Variants in AJAP1 observed in about 807,000 individuals in gnomAD.
AJAP1 encodes adherens junctions associated protein 1.
AJAP1 carries 5 observed loss-of-function variants against 35.0 expected under a neutral mutation model. The observed-to-expected ratio is 0.14, with a 90% CI of 0.07 to 0.30. AJAP1 has a LOEUF of 0.30. Among genes scored for constraint, AJAP1 ranks in the 10% least tolerant of loss-of-function variants. The pLI is 1.00. For synonymous variants in AJAP1, 284 were observed against 249.3 expected (o/e 1.14, Z -1.31); for missense variants, 586 against 571.0 (o/e 1.03, Z -0.27).
intron 1 of AJAP1, among the ~76,000 whole-genome samples, chr1:4,666,237 G>T (rs1046739144): frequency 6.6e-6 from 1 of 152,128 alleles, no homozygotes; most frequent in Admixed American, 6.5e-5. Context: ...ATAGCCCACT[G>T]AGGCTCCTCT....
rs541500039 is a variant in AJAP1, at chr1:4,720,252, G to A, written c.829+7553G>A. The stretch of plus-strand genomic sequence containing the variant: ...AGACAGGCTTCGGGTCCCCGCTTTC[G>A]ATGTGGTTCAACATGGTTCAGTGAA... On this transcript the variant is annotated intron_variant, in intron 2 of 5. Transcript: ENST00000378191. This position sits in a 1 kb window ranked among gnomAD's most constrained non-coding sequence, Gnocchi z 4.4. 9.2e-5 allele frequency among the ~76,000 whole-genome samples: 14 copies of A among 152,302 alleles called. 1 individual carries two copies. The highest frequency in any genetic ancestry group is 3.4e-3 in the Middle Eastern group (1 of 294).
At chr1:4,703,570 T>A (rs1376187818) in intron 1 of AJAP1, among the ~76,000 whole-genome samples, 1 of 152,206 alleles carries the variant, frequency 6.6e-6, no homozygotes, top group Admixed American at 6.5e-5. Flanking sequence ...CATTTTCACA[T>A]CTGAGCTGAA....
chr1:4,690,007 C>A (rs1570114970), intron 1 of AJAP1, among the ~76,000 whole-genome samples: 1 of 152,190 alleles, frequency 6.6e-6, no homozygotes. Flanking sequence ...GAGACCCCCC[C>A]AGCCCCGCTC....
chr1:4,669,953 A>G (rs188476849), intron 1 of AJAP1, among the ~76,000 whole-genome samples: 75 of 152,322 alleles, frequency 4.9e-4, no homozygotes, highest in African/African-American at 1.7e-3. Flanking sequence ...CTTCTTGGAC[A>G]CGGGCTTTAT....
At chr1:4,666,492 G>C (rs72857936) in intron 1 of AJAP1, among the ~76,000 whole-genome samples, 54,892 of 127,312 alleles carry the variant, frequency 0.43, 13,265 homozygotes, top group African/African-American at 0.53. Flanking sequence ...TGCAGAGAGG[G>C]GGCCCGTGAC....
rs1017051396 is a variant in AJAP1 at position 4,782,494 on chromosome 1, G to A, written c.*60-51G>A. The A allele has an allele frequency of 1.2e-5, 4 of 329,940 alleles. No individual in the cohort carries two copies. The highest frequency in any genetic ancestry group is 4.4e-5 in the East Asian group (1 of 22,650). The allele number at this position is 329,940 out of a possible 1,614,324, so 20.4% of individuals were successfully genotyped here. On this transcript the variant is annotated intron_variant, in intron 5 of 5. Coordinates refer to ENST00000378191, the MANE Select transcript of AJAP1 (RefSeq NM_018836.4). This position sits in a 1 kb window ranked among gnomAD's most constrained non-coding sequence, Gnocchi z 5.3. Reference sequence around the variant, plus strand: ...CGACCGAGAACCCCACAGACTTGTCGCGCCCTCGGCGTGCTGCCATTTAAT... The same window carrying A: ...CGACCGAGAACCCCACAGACTTGTCACGCCCTCGGCGTGCTGCCATTTAAT...
chr1:4,711,455 T>G (rs1570141619), intron 1 of AJAP1, among the ~76,000 whole-genome samples: 1 of 152,140 alleles, frequency 6.6e-6, no homozygotes, highest in Non-Finnish European at 1.5e-5. Context: ...GGGTCCCAGG[T>G]GGAGGCCGGT....
chr1:4,716,032 T>G (rs971585239), intron 2 of AJAP1, among the ~76,000 whole-genome samples: 6 of 152,254 alleles, frequency 3.9e-5, no homozygotes, highest in African/African-American at 1.2e-4. Context: ...TTTATAAATT[T>G]TATTTTTGTT....
intron 5 of AJAP1, among the ~76,000 whole-genome samples, chr1:4,778,571 ATCTCTCTCTCTCTCTCTCTCTCTC>A (rs141390632): frequency 7.0e-6 from 1 of 142,792 alleles, no homozygotes; most frequent in Non-Finnish European, 1.5e-5. Context: ...GATTGGCGCC[ATCTCTCTCTCTCTCTCTCTCTCTC>A]TCTCTCTCTC....
At chr1:4,744,149 G>A (rs1641134110) in intron 2 of AJAP1, among the ~76,000 whole-genome samples, 1 of 152,222 alleles carries the variant, frequency 6.6e-6, no homozygotes, top group Admixed American at 6.5e-5. Flanking sequence ...AGCAAAGCCA[G>A]GCCCGAGCTG....
chr1:4,714,142 A>G (rs562161825), intron 2 of AJAP1, among the ~76,000 whole-genome samples: 3 of 152,262 alleles, frequency 2.0e-5, no homozygotes, highest in African/African-American at 4.8e-5. Flanking sequence ...CTAGAGAGCA[A>G]TGTCTCTATG....
chr1:4,711,845 A>G (rs2100265318), intron 1 of AJAP1, 55 bp from the exon 2 acceptor site: 13 of 1,361,082 alleles, frequency 9.6e-6, no homozygotes, highest in Non-Finnish European at 1.3e-5. Flanking sequence ...CCCGGGGCCC[A>G]GTCCCCCTCC....
chr1:4,788,617 CA>C lies in AJAP1; in HGVS notation c.*6135del, dbSNP rs1490477778. On this transcript the variant is annotated 3_prime_UTR_variant, in exon 6 of 6. Coordinates refer to ENST00000378191, the MANE Select transcript of AJAP1 (RefSeq NM_018836.4). ...CCCACCCTACTCTCTGCCTGAAACACAAAGCAGCTCCCCTCAGAACAGCCAG... is the reference window on the plus strand; with the variant it reads ...CCCACCCTACTCTCTGCCTGAAACACAAGCAGCTCCCCTCAGAACAGCCAG... The C allele has an allele frequency of 6.6e-6, 1 of 152,320 alleles. No homozygotes were observed. The highest frequency in any genetic ancestry group is 1.5e-5 in the Non-Finnish European group (1 of 68,138). The allele number at this position is 152,320 out of a possible 1,614,324, so 9.4% of individuals were successfully genotyped here. A position where few individuals can be genotyped will look rare whatever the true frequency, so the allele number is the denominator to read the frequency against.
At chr1:4,674,515 G>A (rs551695658) in intron 1 of AJAP1, among the ~76,000 whole-genome samples, 1 of 152,342 alleles carries the variant, frequency 6.6e-6, no homozygotes, top group African/African-American at 2.4e-5. Flanking sequence ...AAAGGTCAAC[G>A]ACCCCTGCTT....
intron 1 of AJAP1, among the ~76,000 whole-genome samples, chr1:4,710,905 A>G (rs368464127): frequency 7.2e-5 from 11 of 152,138 alleles, no homozygotes; most frequent in Admixed American, 5.9e-4. Flanking sequence ...AAGCCGCTCC[A>G]TGTGAACTGG....
At chr1:4,674,665 C>T (rs550503333) in intron 1 of AJAP1, among the ~76,000 whole-genome samples, 14 of 152,304 alleles carry the variant, frequency 9.2e-5, no homozygotes, top group Non-Finnish European at 1.5e-4. Context: ...CTGTCAGCTG[C>T]TGGTCTTGGG....
chr1:4,771,349 G>A (rs1641829243), intron 3 of AJAP1, among the ~76,000 whole-genome samples: 1 of 152,178 alleles, frequency 6.6e-6, no homozygotes, highest in African/African-American at 2.4e-5. Context: ...AACCAACGCA[G>A]GAAATAGCCA....
chr1:4,777,999 T>C (rs1641973587), intron 5 of AJAP1, among the ~76,000 whole-genome samples: 1 of 152,242 alleles, frequency 6.6e-6, no homozygotes, highest in Non-Finnish European at 1.5e-5. Context: ...CGGGGACACC[T>C]GGCGGTAGCC....
intron 2 of AJAP1, among the ~76,000 whole-genome samples, chr1:4,743,374 GGGCTCGA>G (rs1641114092): frequency 6.6e-6 from 1 of 152,136 alleles, no homozygotes; most frequent in South Asian, 2.1e-4. Context: ...GGCAGAAAAG[GGGCTCGA>G]GACAGTGCAC....
Sources: gnomAD v4.1 joint callset for allele counts (sites outside exome capture counted in the v4.1 genomes callset) on GRCh38, gnomAD v4.1.1 for gene constraint, Gnocchi (gnomAD v3.1) non-coding constraint, MANE v1.5 for transcripts, NCBI Gene and HGNC (gene_info 2026-07-23, HGNC 2026-07-21) for gene names.